TTN: variants seen among roughly 807,000 people sequenced by gnomAD.
The protein encoded by TTN is titin, also known as connectin.
A neutral mutation model predicts 3,223.0 loss-of-function variants in TTN; 1,525 were observed. The observed-to-expected ratio is 0.47, with a 90% CI of 0.45 to 0.49. The LOEUF is 0.49. TTN is among the 20% of genes least tolerant of loss of function. The probability of loss-of-function intolerance (pLI) is 0.00; values close to 1 mark genes in which losing one functional copy is unlikely to be tolerated. For missense variants in TTN, 40,786 were observed against 43,424.0 expected, an observed-to-expected ratio of 0.94 and a Z score of 5.40; for synonymous variants, 14,094 against 15,161.0, an observed-to-expected ratio of 0.93 and a Z score of 5.17.
At position 178,551,949 on chromosome 2, in the gene TTN, C is replaced by T. The variant is rs1464514835; in HGVS notation, c.90951G>A (p.Val30317=). Residue 30317 remains valine (V), a synonymous_variant, in exon 335 of 363, where the codon GTG becomes GTA. Transcript: ENST00000589042. ...VSQPLVSSII[V]AKHQFRIPGP... ...CAGGAATCCTGAACTGGTGTTTTGC[C>T]ACAATAATGCTTGAGACAAGTGGTT... 6.2e-6 allele frequency: 10 copies of T among 1,612,564 alleles called. No individual in the cohort carries two copies. The South Asian group carries it at 1.1e-4, about 18-fold the overall frequency.
Position 178,569,060 on chromosome 2 carries a change from T to C in TTN, c.77072A>G (p.Asp25691Gly), listed in dbSNP as rs1296651230. ...TGGCACTTCTGCAACCTTAATTGGATCAGCAGTCTGGGCAGGAAGGCCAAT... is the reference window on the plus strand; with the variant it reads ...TGGCACTTCTGCAACCTTAATTGGACCAGCAGTCTGGGCAGGAAGGCCAAT... The part of the protein sequence containing the change: ...YGIGLPAQTA[D>G]PIKVAEVPQP... The change falls in exon 326 of 363, where the codon GAT (aspartate) becomes GGT (glycine). Residue 25691 changes from aspartate to glycine, a missense_variant. Coordinates refer to ENST00000589042, the MANE Select transcript of TTN (RefSeq NM_001267550.2). 1 of 1,613,330 alleles carries C rather than the reference T, an allele frequency of 6.2e-7. No homozygotes were observed. The highest frequency in any genetic ancestry group is 8.5e-7 in the Non-Finnish European group (1 of 1,179,558).
chr2:178,572,227 G>A lies in TTN; in HGVS notation c.73905C>T (p.Leu24635=), dbSNP rs754045020. ...CATCATGCTCTGGTTTCTCCCAAGA[G>A]AGTGACACACTATTTCTTGTGACAT... The part of the protein sequence containing the change: ...LMDVTRNSVS[L]SWEKPEHDGG... Residue 24635 remains leucine (L), a synonymous_variant, in exon 326 of 363, where the codon CTC becomes CTT. Transcript: ENST00000589042. 8.1e-6 allele frequency: 13 copies of A among 1,613,388 alleles called. No individual in the cohort carries two copies. The Admixed American group carries it at 1.7e-4, about 21-fold the overall frequency.
rs1446942544 is a variant in TTN at position 178,608,348 on chromosome 2, T to C, written c.52535A>G (p.Asn17512Ser). ...LGYWLEKREV[N>S]STHWSRVNKS... ...GTTGACACGAGACCAATGTGTACTG[T>C]TAACTTCACGTTTTTCAAGCCAGTA... The change falls in exon 275 of 363, where the codon AAC becomes AGC. Residue 17512 changes from asparagine (N) to serine (S), a missense_variant. Asn to Ser is a conservative substitution (Grantham distance 46, BLOSUM62 1). Transcript: ENST00000589042. The C allele has an allele frequency of 6.2e-7, 1 of 1,612,316 alleles. No homozygotes were observed.
At chr2:178,670,426 C>T (rs562080954) in intron 156 of TTN, 131 bp from the exon 157 acceptor site, 16 of 425,182 alleles carry the variant, frequency 3.8e-5, no homozygotes, top group Non-Finnish European at 6.1e-5. Flanking sequence ...TTATCAAATA[C>T]ATTACAGTAT....
chr2:178,594,665 G>C lies in TTN; in HGVS notation c.57848-19C>G, dbSNP rs753716738. On this transcript the variant is annotated intron_variant, in intron 295 of 362. Transcript: ENST00000589042. ...GGTACAGCTGCGAATATAAGTATAG[G>C]AATTGTGGTAGAAAAAAATGTCACA... The C allele has an allele frequency of 1.9e-6, 3 of 1,550,186 alleles. No individual in the cohort carries two copies. In the Admixed American group the frequency reaches 6.1e-5, roughly 32 times the overall value.
intron 338 of TTN, 28 bp from the exon 339 acceptor site, chr2:178,549,501 C>A (rs749114866): frequency 3.5e-5 from 56 of 1,592,304 alleles, no homozygotes; most frequent in Non-Finnish European, 4.5e-5. Context: ...AACCCCAAAT[C>A]AATTAGATGC....
Position 178,559,934 on chromosome 2 carries a change from G to C in TTN, c.86198C>G (p.Ala28733Gly), listed in dbSNP as rs776120734. 1.3e-5 allele frequency: 21 copies of C among 1,613,748 alleles called. No individual in the cohort carries two copies. The highest frequency in any genetic ancestry group is 3.3e-5 in the Admixed American group (2 of 60,000). Residue 28733 changes from alanine to glycine, a missense_variant, in exon 326 of 363, where the codon GCT becomes GGT. Transcript: ENST00000589042. ...FRVKSVNKVG[A>G]SDPSDSSDPQ... is the part of the protein sequence containing the mutation. ...GTCAGAGCTATCACTGGGGTCACTA[G>C]CACCAACCTTATTGACAGATTTTAC... is the stretch of plus-strand genomic sequence containing the variant.
intron 21 of TTN, among the ~76,000 whole-genome samples, chr2:178,780,412 T>C (rs1040534401): frequency 2.0e-5 from 3 of 152,230 alleles, no homozygotes; most frequent in African/African-American, 7.2e-5. Flanking sequence ...ATTACAATTG[T>C]AGAAAGAATT....
intron 333 of TTN, 23 bp downstream of exon 333, chr2:178,553,891 A>G (rs770621014): frequency 1.9e-6 from 3 of 1,569,936 alleles, no homozygotes; most frequent in Middle Eastern, 3.4e-4. Flanking sequence ...ACAGGTGAAG[A>G]TGCTGCAGGT....
chr2:178,751,706 A>C (rs745564446), intron 47 of TTN: 1 of 1,613,154 alleles, frequency 6.2e-7, no homozygotes, highest in Admixed American at 1.7e-5. Flanking sequence ...TTTAATCTCT[A>C]AGCTGGAAGA....
In TTN at chr2:178,527,535, A is replaced by G. The variant is rs374859388; in HGVS notation, c.107591T>C (p.Val35864Ala). ...CATAAAGCTGCTGGAACTCATTTCT[A>G]CAAAGGACTCTTGCATGGAGGACAT... is the stretch of plus-strand genomic sequence containing the variant. ...QSMSSMQESF[V>A]EMSSSSFMGI... Residue 35864 changes from valine to alanine, a missense_variant, in exon 362 of 363, where the codon GTA becomes GCA. Val to Ala is a moderately conservative substitution (Grantham distance 64, BLOSUM62 0). Transcript: ENST00000589042. 59 of 1,613,934 alleles carry G rather than the reference A, an allele frequency of 3.7e-5. No homozygotes were observed. Among genetic ancestry groups the G allele is most frequent in the Non-Finnish European group, 4.8e-5 (57 of 1,179,898 alleles).
intron 164 of TTN, 97 bp from the exon 165 acceptor site, chr2:178,665,557 T>G: frequency 7.1e-7 from 1 of 1,411,764 alleles, no homozygotes; most frequent in Non-Finnish European, 9.8e-7. Flanking sequence ...GCTAAAAAGA[T>G]GATTCCTTTA....
chr2:178,782,794 G>A lies in TTN; in HGVS notation c.3100+12C>T, dbSNP rs372734752. 3 of 1,612,196 alleles carry A rather than the reference G, an allele frequency of 1.9e-6. No homozygotes were observed. The African/African-American group carries it at 4.0e-5, about 22-fold the overall frequency. ...GCATGTGCATTAGGACTGTGGGAGG[G>A]TGGCCACTAACCCTGCACAGCCAGA... On this transcript the variant is annotated intron_variant, in intron 18 of 362. Coordinates refer to ENST00000589042, the MANE Select transcript of TTN (RefSeq NM_001267550.2).
At position 178,560,198 on chromosome 2, in the gene TTN, G is replaced by A. The variant is rs375603504; in HGVS notation, c.85934C>T (p.Ala28645Val). Residue 28645 changes from alanine to valine, a missense_variant, in exon 326 of 363, where the codon GCA (alanine) becomes GTA (valine). Transcript: ENST00000589042. ...AGATGGTAGGAACACTGGATCTTCT[G>A]CCCTAATTAAGGGAGAGGTTTCACT... Reference protein sequence around the residue: ...LPSETSPLIRAEDPVFLPSPP... With the variant: ...LPSETSPLIRVEDPVFLPSPP... 16 of 1,613,674 alleles carry A rather than the reference G, an allele frequency of 9.9e-6. No homozygotes were observed. Among genetic ancestry groups the A allele is most frequent in the Non-Finnish European group, 1.3e-5 (15 of 1,179,788 alleles).
chr2:178,727,356 A>G lies in TTN; in HGVS notation c.20009T>C (p.Val6670Ala). 3 of 1,598,664 alleles carry G rather than the reference A, an allele frequency of 1.9e-6. No individual in the cohort carries two copies. The highest frequency in any genetic ancestry group is 2.3e-5 in the South Asian group (2 of 88,314). Residue 6670 changes from valine to alanine, a missense_variant, in exon 69 of 363, where the codon GTA (valine) becomes GCA (alanine). Val to Ala is a moderately conservative substitution (Grantham distance 64, BLOSUM62 0). Coordinates refer to ENST00000589042, the MANE Select transcript of TTN (RefSeq NM_001267550.2). The part of the protein sequence containing the change: ...MLLVTEPPKF[V>A]KKLEASKIVK... Reference sequence around the variant, plus strand: ...AATTTTGGAGGCTTCTAATTTCTTTACAAACTTTGGTGGTTCTAAAGAGTC... The same window carrying G: ...AATTTTGGAGGCTTCTAATTTCTTTGCAAACTTTGGTGGTTCTAAAGAGTC...
In TTN at chr2:178,552,847, G is replaced by A; in HGVS notation, c.90053C>T (p.Pro30018Leu). ...LAENEIGIGE[P>L]CETTEPVKAA... is the part of the protein sequence containing the mutation. ...CTTCACTGGCTCTGTAGTTTCACAG[G>A]GTTCCCCAATTCCAATTTCATTTTC... Residue 30018 changes from proline to leucine, a missense_variant, in exon 335 of 363, where the codon CCC (proline) becomes CTC (leucine). Transcript: ENST00000589042. The A allele has an allele frequency of 6.2e-7, 1 of 1,613,734 alleles. No homozygotes were observed. Among genetic ancestry groups the A allele is most frequent in the African/African-American group, 1.3e-5 (1 of 75,028 alleles).
intron 33 of TTN, chr2:178,772,861 G>T: frequency 1.9e-6 from 1 of 529,800 alleles, no homozygotes; most frequent in Non-Finnish European, 3.4e-6. Flanking sequence ...GTTGGATGAG[G>T]AAGAGATCAT....
At chr2:178,666,731 G>T (rs2065990200) in intron 163 of TTN, 93 bp downstream of exon 163, 3 of 1,063,510 alleles carry the variant, frequency 2.8e-6, no homozygotes, top group South Asian at 3.8e-5. Flanking sequence ...TTCCACTGTA[G>T]CCACTTTGGC....
In TTN at chr2:178,595,608, AT is replaced by A; in HGVS notation, c.57745del (p.Ile19249PhefsTer34). On this transcript the variant is annotated frameshift_variant, in exon 295 of 363. Coordinates refer to ENST00000589042, the MANE Select transcript of TTN (RefSeq NM_001267550.2). LOFTEE classifies it high-confidence loss of function. ...TRQNATVQGL[I>X]QGKAYFFRIA... is the part of the protein sequence containing the mutation. ...TCGGAAAAAGTAGGCTTTTCCTTGA[AT>A]GAGACCCTGGACAGTAGCATTTTGT... is the stretch of plus-strand genomic sequence containing the variant. 1 of 1,595,458 alleles carries A rather than the reference AT, an allele frequency of 6.3e-7. No homozygotes were observed. Among genetic ancestry groups the A allele is most frequent in the Non-Finnish European group, 8.5e-7 (1 of 1,170,028 alleles).
Sources: gnomAD v4.1 joint callset for allele counts (sites outside exome capture counted in the v4.1 genomes callset) on GRCh38, gnomAD v4.1.1 for gene constraint, MANE v1.5 for transcripts, NCBI Gene and HGNC (gene_info 2026-07-23, HGNC 2026-07-21) for gene names.